DNAH14: variants seen among roughly 807,000 people sequenced by gnomAD.
DNAH14 encodes dynein axonemal heavy chain 14.
Under a neutral mutation model 520.9 loss-of-function variants are expected in DNAH14, and 478 were observed. That is an observed-to-expected ratio of 0.92 (90% CI 0.85 to 0.99). The LOEUF (loss-of-function observed/expected upper bound fraction) is 0.99. Among genes scored for constraint, DNAH14 ranks in the 50% least tolerant of loss-of-function variants. The pLI, the probability that DNAH14 is intolerant of heterozygous loss-of-function variation, is 0.00. For synonymous variants in DNAH14, 1,581 were observed against 1,757.2 expected (o/e 0.90, Z 2.51); for missense variants, 4,831 against 5,234.5 (o/e 0.92, Z 2.38).
chr1:224,964,746 G>A (rs1572096897), intron 5 of DNAH14, 137 bp downstream of exon 5: 1 of 794,616 alleles, frequency 1.3e-6, no homozygotes, highest in Non-Finnish European at 1.9e-6. Context: ...CATGGTAAAT[G>A]CAAAAGTATT....
rs1293698188 is a variant in DNAH14 at position 225,043,686 on chromosome 1, C to T, written c.1769-58C>T. On this transcript the variant is annotated intron_variant, in intron 13 of 85. Coordinates refer to ENST00000682510, the MANE Select transcript of DNAH14 (RefSeq NM_001367479.1). ...CTGGCATATATTAATTTGTCATTTA[C>T]CTGATATAAATATCAATCAATTTTG... 9.0e-6 allele frequency: 11 copies of T among 1,215,718 alleles called. No individual in the cohort carries two copies. In the East Asian group the frequency reaches 2.9e-4, roughly 32 times the overall value. 75.3% of individuals were successfully genotyped at this position (1,215,718 alleles called of 1,614,324 possible).
intron 41 of DNAH14, among the ~76,000 whole-genome samples, chr1:225,216,210 G>T (rs1376339866): frequency 6.6e-6 from 1 of 152,220 alleles, no homozygotes; most frequent in East Asian, 1.9e-4. Flanking sequence ...CTTTAAGAAT[G>T]TTGAATATTG....
intron 23 of DNAH14, among the ~76,000 whole-genome samples, chr1:225,114,085 T>A (rs2148835833): frequency 6.6e-6 from 1 of 152,292 alleles, no homozygotes; most frequent in East Asian, 1.9e-4. Flanking sequence ...GCTGGGAACA[T>A]GTTGGGTCAC....
intron 84 of DNAH14, among the ~76,000 whole-genome samples, chr1:225,395,182 A>G (rs2095989517): frequency 1.3e-5 from 2 of 152,208 alleles, no homozygotes; most frequent in Admixed American, 6.5e-5. Flanking sequence ...GTTTATGGAG[A>G]TTATCACATA....
At chr1:225,153,948 G>C (rs2080774451) in intron 34 of DNAH14, 122 bp downstream of exon 34, 2 of 600,042 alleles carry the variant, frequency 3.3e-6, no homozygotes, top group African/African-American at 3.8e-5. Flanking sequence ...TCATAGTAAA[G>C]TAAGGCAGAG....
At chr1:225,102,667 A>C (rs7545060) in intron 23 of DNAH14, among the ~76,000 whole-genome samples, 30,753 of 151,306 alleles carry the variant, frequency 0.2, 6,459 homozygotes, top group African/African-American at 0.53. Context: ...TTTCATGTGT[A>C]TTTGGCTGCA....
intron 23 of DNAH14, among the ~76,000 whole-genome samples, chr1:225,101,147 T>A (rs1160781205): frequency 6.6e-6 from 1 of 151,942 alleles, no homozygotes; most frequent in Non-Finnish European, 1.5e-5. Flanking sequence ...TTAAAAGAGA[T>A]ATCCTATCTT....
chr1:225,080,792 C>A (rs1361262855), intron 19 of DNAH14, 44 bp downstream of exon 19: 1 of 1,468,354 alleles, frequency 6.8e-7, no homozygotes, highest in Admixed American at 2.6e-5. Context: ...GTCTATATAC[C>A]AAATGGCCTT....
At chr1:225,130,544 A>G (rs1040506693) in intron 27 of DNAH14, among the ~76,000 whole-genome samples, 5 of 151,310 alleles carry the variant, frequency 3.3e-5, no homozygotes, top group African/African-American at 1.2e-4. Context: ...ATTGGAAATC[A>G]TCATTCTCAG....
chr1:225,340,169 A>G (rs2095149280), intron 68 of DNAH14, among the ~76,000 whole-genome samples: 1 of 152,200 alleles, frequency 6.6e-6, no homozygotes, highest in African/African-American at 2.4e-5. Context: ...GGTTTTCACA[A>G]TGATCTAGTG....
chr1:224,983,206 G>A (rs1234523835), intron 8 of DNAH14, among the ~76,000 whole-genome samples: 1 of 140,396 alleles, frequency 7.1e-6, no homozygotes, highest in Non-Finnish European at 1.5e-5. Context: ...ATTATATAAT[G>A]TCTCTGTCTC....
intron 3 of DNAH14, among the ~76,000 whole-genome samples, chr1:224,957,846 A>G (rs1044209962): frequency 6.6e-6 from 1 of 152,090 alleles, no homozygotes; most frequent in South Asian, 2.1e-4. Context: ...ACTATATGCA[A>G]CTCTTGAGAG....
intron 38 of DNAH14, among the ~76,000 whole-genome samples, chr1:225,198,548 T>A (rs1309214849): frequency 6.6e-6 from 1 of 152,162 alleles, no homozygotes; most frequent in African/African-American, 2.4e-5. Context: ...AGACTTTTAA[T>A]CATAAAGCAA....
At chr1:225,086,557 A>G (rs1046200075) in intron 21 of DNAH14, among the ~76,000 whole-genome samples, 2 of 152,300 alleles carry the variant, frequency 1.3e-5, no homozygotes, top group South Asian at 4.1e-4. Context: ...ATATAAATAG[A>G]TGGGGAGAGA....
chr1:225,206,204 T>A, intron 40 of DNAH14, 25 bp downstream of exon 40: 1 of 1,514,152 alleles, frequency 6.6e-7, no homozygotes. Context: ...ACAAATGTTT[T>A]AACAAAGCAA....
intron 37 of DNAH14, among the ~76,000 whole-genome samples, chr1:225,191,811 T>C (rs532952807): frequency 6.6e-6 from 1 of 152,062 alleles, no homozygotes; most frequent in South Asian, 2.1e-4. Context: ...ATTCTTTTTT[T>C]ATCTGCTTAA....
At chr1:225,101,272 T>C (rs1371329663) in intron 23 of DNAH14, among the ~76,000 whole-genome samples, 1 of 152,008 alleles carries the variant, frequency 6.6e-6, no homozygotes, top group East Asian at 1.9e-4. Flanking sequence ...GGGTACATGA[T>C]ATATTTTAAA....
chr1:225,109,245 G>A (rs1328948719), intron 23 of DNAH14, among the ~76,000 whole-genome samples: 1 of 152,048 alleles, frequency 6.6e-6, no homozygotes, highest in Admixed American at 6.6e-5. Flanking sequence ...TTCTATTTCT[G>A]TGAAGAATGT....
At chr1:225,374,145 CTATATATATATATATATATATATA>C (rs71170080) in intron 77 of DNAH14, among the ~76,000 whole-genome samples, 496 of 33,058 alleles carry the variant, frequency 0.015, 60 homozygotes, top group African/African-American at 0.062. Flanking sequence ...TTGTGTCTTA[CTATATATATATATATATATATATA>C]TATATATATA....
Sources: allele counts gnomAD v4.1 joint callset (sites outside exome capture counted in the v4.1 genomes callset), GRCh38; gene constraint gnomAD v4.1.1; transcripts MANE v1.5; gene names NCBI Gene and HGNC (gene_info 2026-07-23, HGNC 2026-07-21).